The following SPINK8 variants were observed in gnomAD, a reference collection of about 807,000 sequenced individuals.
SPINK8 encodes serine protease inhibitor Kazal-type 8.
A neutral mutation model predicts 14.4 loss-of-function variants in SPINK8; 12 were observed. The ratio of observed to expected loss-of-function variants is 0.83; its 90% CI spans 0.53 to 1.35. SPINK8 has a LOEUF of 1.35. Among genes scored for constraint, SPINK8 ranks in the 40% most tolerant of loss-of-function variants. The pLI is 0.00. For missense variants in SPINK8, 103 were observed against 117.0 expected, an observed-to-expected ratio of 0.88 and a Z score of 0.55; for synonymous variants, 32 against 37.6, an observed-to-expected ratio of 0.85 and a Z score of 0.55.
At chr3:48,317,786 G>T (rs892745801) in intron 6 of SPINK8, among the ~76,000 whole-genome samples, 1 of 151,254 alleles carries the variant, frequency 6.6e-6, no homozygotes, top group Non-Finnish European at 1.5e-5. Context: ...TTGCTCTGTT[G>T]CCCAGGCTAG....
chr3:48,318,173 C>T (rs2036019739), intron 6 of SPINK8, among the ~76,000 whole-genome samples: 1 of 152,048 alleles, frequency 6.6e-6, no homozygotes. Context: ...CGGAGTCTTG[C>T]TTTATCTCCC....
At chr3:48,332,561 G>A (rs866445317) in intron 1 of SPINK8, among the ~76,000 whole-genome samples, 90 bp from the exon 2 acceptor site, 6 of 152,068 alleles carry the variant, frequency 3.9e-5, no homozygotes, top group Non-Finnish European at 5.9e-5. Flanking sequence ...AAATGTCTGC[G>A]GCACCAATCT....
chr3:48,333,452 G>A (rs1021591603), intron 1 of SPINK8, among the ~76,000 whole-genome samples, 83 bp downstream of exon 1: 8 of 152,144 alleles, frequency 5.3e-5, no homozygotes, highest in East Asian at 3.9e-4. Flanking sequence ...GTCCTAGAGC[G>A]TCCTCTGTGG....
At chr3:48,330,152 T>C (rs2036231399) in intron 2 of SPINK8, among the ~76,000 whole-genome samples, 1 of 152,132 alleles carries the variant, frequency 6.6e-6, no homozygotes, top group Non-Finnish European at 1.5e-5. Flanking sequence ...TCTTCAGAAT[T>C]TTTGCTTTTA....
intron 6 of SPINK8, 47 bp from the exon 7 acceptor site, chr3:48,309,993 A>G: frequency 7.5e-7 from 1 of 1,331,722 alleles, no homozygotes; most frequent in Non-Finnish European, 9.7e-7. Flanking sequence ...ATGGTATATC[A>G]TAAATTCTGA....
At chr3:48,332,264 A>T (rs1458182895) in intron 2 of SPINK8, among the ~76,000 whole-genome samples, 102 bp downstream of exon 2, 1 of 152,056 alleles carries the variant, frequency 6.6e-6, no homozygotes, top group African/African-American at 2.4e-5. Flanking sequence ...TCTGATCTCT[A>T]TTATAAAAAC....
At chr3:48,307,401 C>T (rs2035862748) in intron 7 of SPINK8, among the ~76,000 whole-genome samples, 1 of 150,222 alleles carries the variant, frequency 6.7e-6, no homozygotes, top group Admixed American at 6.7e-5. Flanking sequence ...CCCTTCCTTC[C>T]TTCCTTCTTT....
chr3:48,310,039 G>A, intron 6 of SPINK8, 93 bp from the exon 7 acceptor site: 2 of 1,236,954 alleles, frequency 1.6e-6, no homozygotes, highest in Non-Finnish European at 2.1e-6. Flanking sequence ...CTAAGTTTGG[G>A]AAATAAACAT....
chr3:48,319,647 A>T, intron 5 of SPINK8, 29 bp from the exon 6 acceptor site: 1 of 1,613,450 alleles, frequency 6.2e-7, no homozygotes, highest in Non-Finnish European at 8.5e-7. Flanking sequence ...CAACTGCTTC[A>T]GACACTTTCA....
At chr3:48,313,691 T>C (rs936438992) in intron 6 of SPINK8, among the ~76,000 whole-genome samples, 15 of 152,278 alleles carry the variant, frequency 9.9e-5, no homozygotes, top group Admixed American at 3.9e-4. Context: ...CTCTTCACAA[T>C]AGTTAGACAT....
intron 7 of SPINK8, among the ~76,000 whole-genome samples, chr3:48,307,530 ATCTG>A (rs2035865292): frequency 1.8e-5 from 2 of 108,438 alleles, no homozygotes; most frequent in South Asian, 3.0e-4. Flanking sequence ...CTCCCTCCCT[ATCTG>A]CCCCCCACCC....
chr3:48,326,644 C>T (rs2036145360), intron 4 of SPINK8, among the ~76,000 whole-genome samples: 1 of 151,378 alleles, frequency 6.6e-6, no homozygotes, highest in Non-Finnish European at 1.5e-5. Flanking sequence ...TGAGGTGGCT[C>T]ATGCCTGTAA....
At chr3:48,308,519 C>T (rs1046638020) in intron 7 of SPINK8, among the ~76,000 whole-genome samples, 2 of 152,164 alleles carry the variant, frequency 1.3e-5, no homozygotes, top group Non-Finnish European at 2.9e-5. Flanking sequence ...GAGGTCCCAA[C>T]ATGATACAGG....
chr3:48,308,739 C>A (rs565097577), intron 7 of SPINK8, among the ~76,000 whole-genome samples: 6 of 152,202 alleles, frequency 3.9e-5, no homozygotes, highest in Admixed American at 3.3e-4. Flanking sequence ...TTTACTTTGG[C>A]ACATAAGTGA....
intron 6 of SPINK8, among the ~76,000 whole-genome samples, chr3:48,318,629 A>G (rs1018697858): frequency 6.6e-6 from 1 of 152,162 alleles, no homozygotes; most frequent in Non-Finnish European, 1.5e-5. Flanking sequence ...CAACTCTCGT[A>G]TGGGTTCTAG....
At chr3:48,330,473 C>T (rs1007586827) in intron 2 of SPINK8, among the ~76,000 whole-genome samples, 20 of 152,172 alleles carry the variant, frequency 1.3e-4, no homozygotes, top group Non-Finnish European at 2.6e-4. Context: ...AAGCCGAGAT[C>T]GCGCCACTGC....
intron 2 of SPINK8, among the ~76,000 whole-genome samples, chr3:48,331,983 C>T (rs1274076142): frequency 6.6e-6 from 1 of 152,254 alleles, no homozygotes; most frequent in Non-Finnish European, 1.5e-5. Flanking sequence ...TGGTTAGTGG[C>T]TTCTGACTCA....
At chr3:48,320,918 T>A in intron 5 of SPINK8, 107 bp downstream of exon 5, 1 of 1,091,456 alleles carries the variant, frequency 9.2e-7, no homozygotes, top group East Asian at 2.6e-5. Flanking sequence ...GTTATTCCCA[T>A]GCAAGCCCCC....
At chr3:48,332,660 TCCTATCATTGA>T (rs745594991) in intron 1 of SPINK8, among the ~76,000 whole-genome samples, 189 bp from the exon 2 acceptor site, 8 of 152,214 alleles carry the variant, frequency 5.3e-5, no homozygotes, top group Admixed American at 6.5e-5. Flanking sequence ...TCTGTTGTCA[TCCTATCATTGA>T]CCTGACTGAG....
Sources: gnomAD v4.1 joint callset for allele counts (sites outside exome capture counted in the v4.1 genomes callset) on GRCh38, gnomAD v4.1.1 for gene constraint, MANE v1.5 for transcripts, NCBI Gene and HGNC (gene_info 2026-07-23, HGNC 2026-07-21) for gene names.